The following RABL3 variants were observed in gnomAD, a reference collection of about 807,000 sequenced individuals.
RABL3 encodes the protein rab-like protein 3.
RABL3 carries 31 observed loss-of-function variants against 31.8 expected under a neutral mutation model. That is an observed-to-expected ratio of 0.97 (90% confidence interval 0.73 to 1.31). RABL3 has a LOEUF of 1.31. Ranked by LOEUF, RABL3 falls within the 40% of genes most tolerant of loss-of-function variation. RABL3 has a pLI of 0.00. For synonymous variants in RABL3, 97 were observed against 99.9 expected (o/e 0.97, Z 0.18); for missense variants, 263 against 279.6 (o/e 0.94, Z 0.42).
chr3:120,719,500 C>T (rs1411050321), intron 2 of RABL3, among the ~76,000 whole-genome samples: 1 of 152,212 alleles, frequency 6.6e-6, no homozygotes, highest in African/African-American at 2.4e-5. Context: ...CACTCTCACC[C>T]TAATACTGCG....
intron 2 of RABL3, among the ~76,000 whole-genome samples, chr3:120,726,730 T>C (rs1254482672): frequency 6.6e-6 from 1 of 151,384 alleles, no homozygotes; most frequent in Non-Finnish European, 1.5e-5. Context: ...AGCAACAGAG[T>C]GGGACTCCAT....
At chr3:120,723,629 G>C (rs369569841) in intron 2 of RABL3, among the ~76,000 whole-genome samples, 19 of 152,208 alleles carry the variant, frequency 1.2e-4, no homozygotes, top group East Asian at 9.7e-4. Context: ...CCCTGGGATG[G>C]AAGGCTGGTT....
intron 5 of RABL3, among the ~76,000 whole-genome samples, chr3:120,697,938 G>C (rs1297468341): frequency 6.6e-6 from 1 of 152,132 alleles, no homozygotes; most frequent in Non-Finnish European, 1.5e-5. Flanking sequence ...GGCCAAGGAG[G>C]GCAAATCCAG....
At chr3:120,714,864 C>T (rs1245564585) in intron 2 of RABL3, among the ~76,000 whole-genome samples, 1 of 152,210 alleles carries the variant, frequency 6.6e-6, no homozygotes, top group African/African-American at 2.4e-5. Context: ...TTCCCATCAA[C>T]TCTCTAAATA....
chr3:120,733,104 T>C (rs955148133), intron 1 of RABL3, among the ~76,000 whole-genome samples: 1 of 152,172 alleles, frequency 6.6e-6, no homozygotes, highest in Non-Finnish European at 1.5e-5. Context: ...GGTCAAATGG[T>C]ATTTCTAGCT....
chr3:120,721,240 C>A (rs558936884), intron 2 of RABL3, among the ~76,000 whole-genome samples: 1 of 152,226 alleles, frequency 6.6e-6, no homozygotes, highest in Admixed American at 6.5e-5. Context: ...CATGCCAAAG[C>A]GTAAAGACCA....
rs151314545 is a variant in RABL3 at position 120,728,630 on chromosome 3, T to C, written c.138+2066A>G. On this transcript the variant is annotated intron_variant, in intron 2 of 7. Transcript: ENST00000273375. Reference sequence around the variant, plus strand: ...TGACGAGTTAATGGGTGCAGCACACTAGCATGGCACATGTATACATTTGTA... The same window carrying C: ...TGACGAGTTAATGGGTGCAGCACACCAGCATGGCACATGTATACATTTGTA... Among the ~76,000 whole-genome samples, 158 of 152,048 alleles carry C rather than the reference T, an allele frequency of 1.0e-3. 2 individuals are homozygous for C. The highest frequency in any genetic ancestry group is 6.8e-3 in the Middle Eastern group (2 of 292).
At chr3:120,726,238 GGGT>G (rs1708819358) in intron 2 of RABL3, among the ~76,000 whole-genome samples, 1 of 152,106 alleles carries the variant, frequency 6.6e-6, no homozygotes, top group African/African-American at 2.4e-5. Flanking sequence ...TTATAACAAG[GGGT>G]GGAGAACATA....
chr3:120,701,310 A>C (rs1478332684), intron 4 of RABL3, among the ~76,000 whole-genome samples: 2 of 152,186 alleles, frequency 1.3e-5, no homozygotes, highest in Admixed American at 1.3e-4. Flanking sequence ...TTGCTCGGAC[A>C]CTAGGGTTGT....
intron 1 of RABL3, among the ~76,000 whole-genome samples, 198 bp downstream of exon 1, chr3:120,742,264 C>T (rs1709054284): frequency 6.6e-6 from 1 of 152,032 alleles, no homozygotes; most frequent in Non-Finnish European, 1.5e-5. Flanking sequence ...GGCTCCGCGA[C>T]CCCCACCCGC....
intron 4 of RABL3, among the ~76,000 whole-genome samples, chr3:120,704,391 T>C (rs894418222): frequency 2.0e-5 from 3 of 152,098 alleles, no homozygotes; most frequent in African/African-American, 7.2e-5. Flanking sequence ...AACAAAACTA[T>C]CAGCAAATTA....
intron 2 of RABL3, among the ~76,000 whole-genome samples, chr3:120,726,043 T>C (rs1380152519): frequency 6.6e-6 from 1 of 152,196 alleles, no homozygotes; most frequent in Non-Finnish European, 1.5e-5. Flanking sequence ...GGTCTTTAAC[T>C]TGGGCTCGGG....
intron 7 of RABL3, among the ~76,000 whole-genome samples, chr3:120,690,200 G>C (rs1036273689): frequency 6.6e-6 from 1 of 152,068 alleles, no homozygotes; most frequent in Non-Finnish European, 1.5e-5. Flanking sequence ...TACTCTTGGA[G>C]TCCCAAGCAA....
intron 2 of RABL3, among the ~76,000 whole-genome samples, chr3:120,711,253 A>G (rs1708609686): frequency 6.6e-6 from 1 of 152,184 alleles, no homozygotes; most frequent in African/African-American, 2.4e-5. Context: ...CTAAAAGGCA[A>G]TTTTATTCTT....
At chr3:120,690,207 G>C (rs1708363306) in intron 7 of RABL3, among the ~76,000 whole-genome samples, 1 of 152,002 alleles carries the variant, frequency 6.6e-6, no homozygotes, top group African/African-American at 2.4e-5. Context: ...GGAGTCCCAA[G>C]CAAATTATTT....
chr3:120,720,122 G>A (rs1182452435), intron 2 of RABL3, among the ~76,000 whole-genome samples: 4 of 152,220 alleles, frequency 2.6e-5, no homozygotes, highest in Non-Finnish European at 5.9e-5. Flanking sequence ...GCAGCTGAGG[G>A]TCCTGACTGT....
chr3:120,697,032 A>G (rs1251358568), intron 5 of RABL3, among the ~76,000 whole-genome samples: 1 of 152,222 alleles, frequency 6.6e-6, no homozygotes, highest in Admixed American at 6.5e-5. Flanking sequence ...TATTTGTTAA[A>G]ACTGCAGATT....
chr3:120,724,505 C>T (rs1215057463), intron 2 of RABL3, among the ~76,000 whole-genome samples: 1 of 152,142 alleles, frequency 6.6e-6, no homozygotes, highest in Non-Finnish European at 1.5e-5. Flanking sequence ...CAATCCTATG[C>T]CAAAAGGACA....
At position 120,734,972 on chromosome 3, in the gene RABL3, T is replaced by C. The variant is rs1410999576; in HGVS notation, c.47-4185A>G. On this transcript the variant is annotated intron_variant, in intron 1 of 7. Transcript: ENST00000273375. ...AGTATTTTATTGAGGATTTTTGCATTGATGTTCATCAGGGATATTGGTCTA... is the reference window on the plus strand; with the variant it reads ...AGTATTTTATTGAGGATTTTTGCATCGATGTTCATCAGGGATATTGGTCTA... Among the ~76,000 whole-genome samples, 31 of 152,190 alleles carry C rather than the reference T, an allele frequency of 2.0e-4. 1 individual carries two copies. The highest frequency in any genetic ancestry group is 1.8e-3 in the Admixed American group (27 of 15,264).
Sources: gnomAD v4.1 joint callset for allele counts (sites outside exome capture counted in the v4.1 genomes callset) on GRCh38, gnomAD v4.1.1 for gene constraint, MANE v1.5 for transcripts, NCBI Gene and HGNC (gene_info 2026-07-23, HGNC 2026-07-21) for gene names.